Variants in CA5A observed in about 807,000 individuals in gnomAD.
CA5A encodes the protein carbonic anhydrase 5A, also known as carbonic anhydrase 5A, mitochondrial.
In CA5A, 28 loss-of-function variants were observed where a neutral mutation model predicts 37.1. The ratio of observed to expected loss-of-function variants is 0.75; its 90% CI spans 0.56 to 1.03. The LOEUF is 1.03. CA5A is among the 50% of genes least tolerant of loss of function. The pLI is 0.00. For missense variants in CA5A, 444 were observed against 399.9 expected, an observed-to-expected ratio of 1.11 and a Z score of -0.94; for synonymous variants, 171 against 158.4, an observed-to-expected ratio of 1.08 and a Z score of -0.60.
chr16:87,897,283 C>T (rs920530268), intron 5 of CA5A, among the ~76,000 whole-genome samples: 1 of 152,272 alleles, frequency 6.6e-6, no homozygotes, highest in Non-Finnish European at 1.5e-5. Context: ...ACCCCAGCAG[C>T]CTGAGGAGCT....
At chr16:87,889,157 T>G (rs1246874306) in intron 6 of CA5A, among the ~76,000 whole-genome samples, 2 of 151,182 alleles carry the variant, frequency 1.3e-5, no homozygotes, top group Admixed American at 1.3e-4. Flanking sequence ...GACCTCAGGT[T>G]ATCCACCTGC....
At chr16:87,914,851 G>A (rs576946475) in intron 2 of CA5A, among the ~76,000 whole-genome samples, 1 of 152,336 alleles carries the variant, frequency 6.6e-6, no homozygotes, top group South Asian at 2.1e-4. Flanking sequence ...CCCCTCGTCA[G>A]GGGAGGGGAT....
At chr16:87,906,369 T>C (rs954557561) in intron 2 of CA5A, among the ~76,000 whole-genome samples, 4 of 152,210 alleles carry the variant, frequency 2.6e-5, no homozygotes, top group Non-Finnish European at 5.9e-5. Context: ...GGCTCACACC[T>C]GTACTCCTAG....
chr16:87,899,793 G>A lies in CA5A; in HGVS notation c.618+2119C>T, dbSNP rs572629380. ...AAATTAGCCAGGCATGGTGGTGGGC[G>A]CCGGTACTTCCAGCTACTCATGAGG... On this transcript the variant is annotated intron_variant, in intron 5 of 6. Coordinates refer to ENST00000649794, the MANE Select transcript of CA5A (RefSeq NM_001739.2). Among the ~76,000 whole-genome samples, 12 of 150,794 alleles carry A rather than the reference G, an allele frequency of 8.0e-5. No individual in the cohort carries two copies. In the South Asian group the frequency reaches 1.5e-3, roughly 18 times the overall value.
rs774276082 is a variant in CA5A, at chr16:87,920,466, C to T, written c.340+6282G>A. Among the ~76,000 whole-genome samples the T allele has an allele frequency of 4.0e-5, 6 of 151,868 alleles. No homozygotes were observed. In the East Asian group the frequency reaches 5.9e-4, roughly 15 times the overall value. On this transcript the variant is annotated intron_variant, in intron 2 of 6. Coordinates refer to ENST00000649794, the MANE Select transcript of CA5A (RefSeq NM_001739.2). Reference sequence around the variant, plus strand: ...CTGGGATTACAGGCATGCACCACCACGCTCGGCTAATTTTTGTATTTTTAG... The same window carrying T: ...CTGGGATTACAGGCATGCACCACCATGCTCGGCTAATTTTTGTATTTTTAG...
intron 5 of CA5A, among the ~76,000 whole-genome samples, chr16:87,895,914 C>T (rs1212427052): frequency 6.6e-6 from 1 of 152,184 alleles, no homozygotes; most frequent in Non-Finnish European, 1.5e-5. Flanking sequence ...CACGCTCTAG[C>T]TGGGCTGTGA....
Position 87,909,851 on chromosome 16 carries a change from C to T in CA5A, c.341-4947G>A, listed in dbSNP as rs545318887. The stretch of plus-strand genomic sequence containing the variant: ...GTTTCGTTACTCTTCCTGTAGACAA[C>T]ACAGCATGGGGTCAGGAGTGGGGTC... On this transcript the variant is annotated intron_variant, in intron 2 of 6. Transcript: ENST00000649794. Among the ~76,000 whole-genome samples, 19 of 152,200 alleles carry T rather than the reference C, an allele frequency of 1.2e-4. 1 individual carries two copies. The highest frequency in any genetic ancestry group is 7.9e-4 in the Admixed American group (12 of 15,272).
At chr16:87,914,445 C>T (rs957452079) in intron 2 of CA5A, among the ~76,000 whole-genome samples, 2 of 152,190 alleles carry the variant, frequency 1.3e-5, no homozygotes, top group Non-Finnish European at 2.9e-5. Context: ...CAGATGCGGA[C>T]CCCCAGCCCC....
rs2056471580 is a variant in CA5A at position 87,936,379 on chromosome 16, C to A, written c.72G>T (p.Trp24Cys). 5.6e-6 allele frequency: 9 copies of A among 1,613,998 alleles called. No homozygotes were observed. In the East Asian group the frequency reaches 1.8e-4, roughly 32 times the overall value. Reference sequence around the variant, plus strand: ...ATCGCCCTGGCCTCATCGAACGACTCCAGAGAGGGGCCCACATCTGCTCAA... The same window carrying A: ...ATCGCCCTGGCCTCATCGAACGACTACAGAGAGGGGCCCACATCTGCTCAA... ...FLVEQMWAPL[W>C]SRSMRPGRWC... is the part of the protein sequence containing the mutation. The change falls in exon 1 of 7, where the codon TGG (tryptophan) becomes TGT (cysteine). Residue 24 changes from tryptophan (W) to cysteine (C), a missense_variant. Trp to Cys is a radical substitution (Grantham distance 215, BLOSUM62 -2). Coordinates refer to ENST00000649794, the MANE Select transcript of CA5A (RefSeq NM_001739.2).
At chr16:87,917,971 G>C (rs145469536) in intron 2 of CA5A, among the ~76,000 whole-genome samples, 1 of 152,196 alleles carries the variant, frequency 6.6e-6, no homozygotes, top group Non-Finnish European at 1.5e-5. Flanking sequence ...TCCTTGAACC[G>C]CACAGCCACA....
At chr16:87,908,594 G>C (rs12050979) in intron 2 of CA5A, among the ~76,000 whole-genome samples, 28,758 of 152,028 alleles carry the variant, frequency 0.19, 2,833 homozygotes, top group South Asian at 0.28. Context: ...TAGTAGAAAA[G>C]TCACCCTCCA....
At chr16:87,909,213 C>T (rs2056011373) in intron 2 of CA5A, among the ~76,000 whole-genome samples, 1 of 152,090 alleles carries the variant, frequency 6.6e-6, no homozygotes. Flanking sequence ...GACAAGTCAG[C>T]CCTTTCCAAT....
At chr16:87,922,330 A>G (rs1234219424) in intron 2 of CA5A, among the ~76,000 whole-genome samples, 1 of 152,026 alleles carries the variant, frequency 6.6e-6, no homozygotes, top group Non-Finnish European at 1.5e-5. Flanking sequence ...CCACACAGAC[A>G]GGCACGCAGG....
rs759704571 is a variant in CA5A, at chr16:87,926,910, C to T, written c.178G>A (p.Gly60Arg). ...PLWTVPVSVP[G>R]GTRQSPINIQ... ...TTAATAGGAGACTGCCGGGTGCCCC[C>T]TGGCACGGAGACCGGGACCGTCCAG... The change falls in exon 2 of 7, where the codon GGG becomes AGG. Residue 60 changes from glycine to arginine, a missense_variant. Physicochemically the swap from Gly to Arg is moderately radical, Grantham distance 125. Transcript: ENST00000649794. 6.2e-7 allele frequency: 1 copy of T among 1,602,730 alleles called. No individual in the cohort carries two copies. The highest frequency in any genetic ancestry group is 8.5e-7 in the Non-Finnish European group (1 of 1,174,194).
chr16:87,897,945 C>T (rs2055827264), intron 5 of CA5A, among the ~76,000 whole-genome samples: 1 of 152,160 alleles, frequency 6.6e-6, no homozygotes, highest in Non-Finnish European at 1.5e-5. Context: ...GGCAGGTGCT[C>T]CTGACGGGAG....
At chr16:87,906,294 G>C (rs948928082) in intron 2 of CA5A, among the ~76,000 whole-genome samples, 2 of 151,970 alleles carry the variant, frequency 1.3e-5, no homozygotes, top group African/African-American at 4.8e-5. Flanking sequence ...GAATGCCTTG[G>C]GGAGCTTGAC....
At chr16:87,918,124 G>C (rs2056180150) in intron 2 of CA5A, among the ~76,000 whole-genome samples, 1 of 152,236 alleles carries the variant, frequency 6.6e-6, no homozygotes, top group African/African-American at 2.4e-5. Flanking sequence ...CAGCCTGGCA[G>C]GCACCCCCCA....
At chr16:87,908,173 C>G (rs1459208055) in intron 2 of CA5A, among the ~76,000 whole-genome samples, 1 of 152,156 alleles carries the variant, frequency 6.6e-6, no homozygotes, top group Non-Finnish European at 1.5e-5. Flanking sequence ...CGCCTGGGAT[C>G]TCTAGGAAAG....
intron 1 of CA5A, among the ~76,000 whole-genome samples, chr16:87,930,921 A>G (rs1312756065): frequency 6.6e-6 from 1 of 151,482 alleles, no homozygotes. Flanking sequence ...TTGTATTTTT[A>G]GTAGAGACGG....
Sources: gnomAD v4.1 joint callset for allele counts (sites outside exome capture counted in the v4.1 genomes callset) on GRCh38, gnomAD v4.1.1 for gene constraint, MANE v1.5 for transcripts, NCBI Gene and HGNC (gene_info 2026-07-23, HGNC 2026-07-21) for gene names.